The following LHFPL3 variants were observed in gnomAD, a reference collection of about 807,000 sequenced individuals.
LHFPL3 encodes LHFPL tetraspan subfamily member 3 protein.
A neutral mutation model predicts 19.3 loss-of-function variants in LHFPL3; 5 were observed. The observed-to-expected ratio is 0.26, with a 90% CI of 0.14 to 0.54. The LOEUF is 0.54. Ranked by LOEUF, LHFPL3 falls within the 20% of genes least tolerant of loss-of-function variation. The pLI, the probability that LHFPL3 is intolerant of heterozygous loss-of-function variation, is 0.94. For missense variants in LHFPL3, 249 were observed against 307.4 expected (o/e 0.81, Z 1.42); for synonymous variants, 133 against 126.2 (o/e 1.05, Z -0.36).
chr7:104,535,512 A>G (rs1458198277), intron 1 of LHFPL3, among the ~76,000 whole-genome samples: 1 of 152,334 alleles, frequency 6.6e-6, no homozygotes, highest in East Asian at 1.9e-4. Context: ...TAAATCCTTG[A>G]TAACTCATAC....
At chr7:104,355,213 T>C (rs1375063157) in intron 1 of LHFPL3, among the ~76,000 whole-genome samples, 1 of 152,224 alleles carries the variant, frequency 6.6e-6, no homozygotes, top group Non-Finnish European at 1.5e-5. Context: ...ATTATTGCTC[T>C]TGGGTTTTTC....
At chr7:104,645,692 G>C (rs1261305783) in intron 1 of LHFPL3, among the ~76,000 whole-genome samples, 1 of 88,426 alleles carries the variant, frequency 1.1e-5, no homozygotes, top group Non-Finnish European at 2.0e-5. Context: ...ATGGAGTCTT[G>C]CTCTGTTGCC....
At chr7:104,775,418 G>T (rs1794622480) in intron 2 of LHFPL3, among the ~76,000 whole-genome samples, 2 of 152,098 alleles carry the variant, frequency 1.3e-5, no homozygotes, top group South Asian at 4.1e-4. Flanking sequence ...AATCAATACA[G>T]CTACTAATTT....
chr7:104,481,825 T>C (rs1793142392), intron 1 of LHFPL3, among the ~76,000 whole-genome samples: 1 of 152,194 alleles, frequency 6.6e-6, no homozygotes, highest in Non-Finnish European at 1.5e-5. Context: ...TGAACATAGT[T>C]CTTTTAGAAA....
At chr7:104,610,504 AAG>A (rs1158266084) in intron 1 of LHFPL3, among the ~76,000 whole-genome samples, 1 of 152,152 alleles carries the variant, frequency 6.6e-6, no homozygotes, top group Admixed American at 6.5e-5. Flanking sequence ...ACTGGAGCCC[AAG>A]AGAGATGGTG....
intron 2 of LHFPL3, among the ~76,000 whole-genome samples, chr7:104,847,605 G>T (rs1311820070): frequency 6.6e-6 from 1 of 152,180 alleles, no homozygotes; most frequent in Non-Finnish European, 1.5e-5. Flanking sequence ...CCGACTCCCA[G>T]GTTTGAGCGA....
At chr7:104,510,012 A>G (rs1793779880) in intron 1 of LHFPL3, among the ~76,000 whole-genome samples, 1 of 152,128 alleles carries the variant, frequency 6.6e-6, no homozygotes, top group Non-Finnish European at 1.5e-5. Context: ...AAAAAATATG[A>G]GATACTTTGG....
chr7:104,473,367 T>C lies in LHFPL3; in HGVS notation c.445+144143T>C, dbSNP rs895137320. 6.6e-5 allele frequency among the ~76,000 whole-genome samples: 10 copies of C among 152,240 alleles called. No individual in the cohort carries two copies. The East Asian group carries it at 1.9e-3, about 29-fold the overall frequency. On this transcript the variant is annotated intron_variant, in intron 1 of 2. Coordinates refer to ENST00000424859, the MANE Select transcript of LHFPL3 (RefSeq NM_199000.3). ...AACACCTAAATAGCCTACACTTTCT[T>C]TTTACTTGTATCTCTGATAGAATGA...
rs552114379 is a variant in LHFPL3, at chr7:104,482,148, C to CCTGCTACTCCT, written c.445+152933_445+152934insCTCTGCTACTC. Among the ~76,000 whole-genome samples the CCTGCTACTCCT allele has an allele frequency of 3.5e-4, 54 of 152,314 alleles. No homozygotes were observed. In the East Asian group the frequency reaches 9.3e-3, roughly 26 times the overall value. On this transcript the variant is annotated intron_variant, in intron 1 of 2. Transcript: ENST00000424859. Reference sequence around the variant, plus strand: ...CTCAAGGTGAAATAACTCTGTAGTGCCTGCTACTCACACTGGACTCCTGGG... The same window carrying CCTGCTACTCCT: ...CTCAAGGTGAAATAACTCTGTAGTGCCTGCTACTCCTCTGCTACTCACACTGGACTCCTGGG...
intron 1 of LHFPL3, among the ~76,000 whole-genome samples, chr7:104,562,997 G>T (rs575055364): frequency 6.6e-6 from 1 of 152,200 alleles, no homozygotes; most frequent in Middle Eastern, 3.2e-3. Flanking sequence ...GCTGCTCGGG[G>T]GTCAGGGGTC....
intron 1 of LHFPL3, among the ~76,000 whole-genome samples, chr7:104,575,293 C>G (rs188478250): frequency 6.6e-6 from 1 of 152,202 alleles, no homozygotes; most frequent in Non-Finnish European, 1.5e-5. Flanking sequence ...TTTCTCATCT[C>G]CCTTGCTTCT....
At chr7:104,737,576 A>G (rs1243156428) in intron 2 of LHFPL3, among the ~76,000 whole-genome samples, 1 of 152,244 alleles carries the variant, frequency 6.6e-6, no homozygotes, top group Non-Finnish European at 1.5e-5. Flanking sequence ...ATACGTAAAT[A>G]TATCATAGTG....
intron 1 of LHFPL3, among the ~76,000 whole-genome samples, chr7:104,499,836 A>G (rs528913614): frequency 6.6e-6 from 1 of 152,360 alleles, no homozygotes; most frequent in Non-Finnish European, 1.5e-5. Flanking sequence ...GCTTGCTTTA[A>G]AAGATTCCAT....
chr7:104,581,291 T>C (rs1169943866), intron 1 of LHFPL3, among the ~76,000 whole-genome samples: 1 of 152,130 alleles, frequency 6.6e-6, no homozygotes, highest in Non-Finnish European at 1.5e-5. Flanking sequence ...TAAGCACTTT[T>C]TCATGTGCTT....
chr7:104,430,432 A>G (rs1192397016), intron 1 of LHFPL3, among the ~76,000 whole-genome samples: 446 of 11,778 alleles, frequency 0.038, 10 homozygotes, highest in African/African-American at 0.055. Flanking sequence ...ATATATATAT[A>G]TATATATATA....
At chr7:104,601,290 A>G (rs879617473) in intron 1 of LHFPL3, among the ~76,000 whole-genome samples, 5 of 152,174 alleles carry the variant, frequency 3.3e-5, no homozygotes, top group Non-Finnish European at 7.3e-5. Context: ...CCCATTAGTG[A>G]CTAAACCATA....
At chr7:104,585,342 T>A (rs1313778629) in intron 1 of LHFPL3, among the ~76,000 whole-genome samples, 2 of 152,034 alleles carry the variant, frequency 1.3e-5, no homozygotes, top group Non-Finnish European at 2.9e-5. Flanking sequence ...CATAAGCAAG[T>A]ATTATTTTTG....
chr7:104,630,432 G>A (rs962288254), intron 1 of LHFPL3, among the ~76,000 whole-genome samples: 18 of 152,038 alleles, frequency 1.2e-4, no homozygotes, highest in East Asian at 5.8e-4. Flanking sequence ...GCAGGGTAGC[G>A]TGCAGATTTG....
intron 1 of LHFPL3, among the ~76,000 whole-genome samples, chr7:104,441,117 T>C (rs963681699): frequency 2.6e-5 from 4 of 152,200 alleles, no homozygotes; most frequent in Non-Finnish European, 5.9e-5. Flanking sequence ...ATATAGGCAC[T>C]GTATTGTACA....
Sources: allele counts gnomAD v4.1 joint callset (sites outside exome capture counted in the v4.1 genomes callset), GRCh38; gene constraint gnomAD v4.1.1; transcripts MANE v1.5; gene names NCBI Gene and HGNC (gene_info 2026-07-23, HGNC 2026-07-21).